The following RPGRIP1L variants were observed in gnomAD, a reference collection of about 807,000 sequenced individuals.
The protein encoded by RPGRIP1L is protein fantom.
In RPGRIP1L, 131 loss-of-function variants were observed where a neutral mutation model predicts 160.4. The ratio of observed to expected loss-of-function variants is 0.82; its 90% confidence interval spans 0.71 to 0.94. The LOEUF is 0.94. RPGRIP1L is among the 40% of genes least tolerant of loss of function. RPGRIP1L has a pLI of 0.00. For missense variants in RPGRIP1L, 1,522 were observed against 1,535.8 expected (o/e 0.99, Z 0.15); for synonymous variants, 510 against 515.8 (o/e 0.99, Z 0.15).
chr16:53,700,375 G>C (rs1220406150), intron 2 of RPGRIP1L, among the ~76,000 whole-genome samples: 2 of 152,170 alleles, frequency 1.3e-5, no homozygotes, highest in African/African-American at 4.8e-5. Flanking sequence ...AGTTTCTACT[G>C]ATGTGAGGAA....
chr16:53,636,478 G>T lies in RPGRIP1L; in HGVS notation c.3255C>A (p.Asp1085Glu), dbSNP rs1965840419. ...TGGAGATAGGACCTGGAATAATACAGTCATCACTGTCAGAAGCTGACATGT... is the reference window on the plus strand; with the variant it reads ...TGGAGATAGGACCTGGAATAATACATTCATCACTGTCAGAAGCTGACATGT... Reference protein sequence around the residue: ...EEDMSASDSDDCIIPGPISKN... With the variant: ...EEDMSASDSDECIIPGPISKN... Residue 1085 changes from aspartate (D) to glutamate (E), a missense_variant, in exon 22 of 27, where the codon GAC (aspartate) becomes GAA (glutamate). By Grantham distance (45) the Asp-to-Glu change is conservative. Coordinates refer to ENST00000647211, the MANE Select transcript of RPGRIP1L (RefSeq NM_015272.5). 6.2e-7 allele frequency: 1 copy of T among 1,612,306 alleles called. No homozygotes were observed. The highest frequency in any genetic ancestry group is 1.3e-5 in the African/African-American group (1 of 74,838).
At chr16:53,643,517 A>G (rs573560939) in intron 17 of RPGRIP1L, among the ~76,000 whole-genome samples, 2 of 152,238 alleles carry the variant, frequency 1.3e-5, no homozygotes, top group South Asian at 4.2e-4. Flanking sequence ...CTTTGATTTG[A>G]ATGCATCCTC....
intron 6 of RPGRIP1L, among the ~76,000 whole-genome samples, chr16:53,676,192 G>GT (rs1174173047): frequency 6.6e-6 from 1 of 152,070 alleles, no homozygotes; most frequent in East Asian, 1.9e-4. Flanking sequence ...AAAGTTCATT[G>GT]TATTTTGGCA....
intron 10 of RPGRIP1L, among the ~76,000 whole-genome samples, chr16:53,664,082 G>A (rs988599597): frequency 2.2e-4 from 34 of 152,216 alleles, no homozygotes; most frequent in African/African-American, 7.9e-4. Flanking sequence ...CACATGACTC[G>A]GTTTATCTAG....
rs1964790699 is a variant in RPGRIP1L at position 53,622,377 on chromosome 16, A to AG, written c.3295-22_3295-21insC. 3 of 619,464 alleles carry AG rather than the reference A, an allele frequency of 4.8e-6. No homozygotes were observed. In the East Asian group the frequency reaches 8.5e-5, roughly 18 times the overall value. The allele number at this position is 619,464 out of a possible 1,614,324, so 38.4% of individuals were successfully genotyped here. A position where few individuals can be genotyped will look rare whatever the true frequency, so the allele number is the denominator to read the frequency against. ...AGACTCTGTCTCAAAAAAAAAAAAA[A>AG]AATCTTAAGATTAAGAAGCACATTA... On this transcript the variant is annotated intron_variant, in intron 22 of 26. Coordinates refer to ENST00000647211, the MANE Select transcript of RPGRIP1L (RefSeq NM_015272.5).
intron 17 of RPGRIP1L, among the ~76,000 whole-genome samples, chr16:53,644,808 T>C (rs1041061522): frequency 6.6e-6 from 1 of 152,132 alleles, no homozygotes; most frequent in South Asian, 2.1e-4. Flanking sequence ...TCACTACCAG[T>C]AGACCTAACT....
At chr16:53,680,937 C>CA (rs1285224988) in intron 6 of RPGRIP1L, among the ~76,000 whole-genome samples, 1 of 152,094 alleles carries the variant, frequency 6.6e-6, no homozygotes, top group Non-Finnish European at 1.5e-5. Flanking sequence ...AGGCCGAGTG[C>CA]AAAAACAGGC....
Position 53,645,948 on chromosome 16 carries a change from C to T in RPGRIP1L, c.2360G>A (p.Gly787Asp), listed in dbSNP as rs996587890. ...TGTAATGTGAAGTTCATTTAAGTTG[C>T]CATCTGTGGAATCTGTAGAACTGAG... is the stretch of plus-strand genomic sequence containing the variant. ...AQLSSTDSTD[G>D]NLNELHITIR... The change falls in exon 17 of 27, where the codon GGC becomes GAC. Residue 787 changes from glycine (G) to aspartate (D), a missense_variant. Physicochemically the swap from Gly to Asp is moderately conservative, Grantham distance 94. Coordinates refer to ENST00000647211, the MANE Select transcript of RPGRIP1L (RefSeq NM_015272.5). 1.9e-6 allele frequency: 3 copies of T among 1,614,042 alleles called. No homozygotes were observed. The highest frequency in any genetic ancestry group is 1.1e-5 in the South Asian group (1 of 91,076).
intron 16 of RPGRIP1L, among the ~76,000 whole-genome samples, chr16:53,646,969 G>C (rs1966594393): frequency 6.6e-6 from 1 of 152,118 alleles, no homozygotes; most frequent in Non-Finnish European, 1.5e-5. Flanking sequence ...AGAAGGCTGA[G>C]AGGAATGACT....
In RPGRIP1L at chr16:53,637,728, C is replaced by A. The variant is rs1057520162; in HGVS notation, c.3187G>T (p.Glu1063Ter). ...TCCAAGTCCTCTGTTATTTCTGTTT[C>A]ATCTTCAGAAGATGCCAAGCTTTGT... ...AEQSLASSED[E>*]TEITEDLEPE... is the part of the protein sequence containing the mutation. The change falls in exon 21 of 27, where the codon GAA becomes TAA. Residue 1063 changes from glutamate (E) to a stop codon, truncating the protein, a stop_gained. Coordinates refer to ENST00000647211, the MANE Select transcript of RPGRIP1L (RefSeq NM_015272.5). LOFTEE classifies it high-confidence loss of function. 3.7e-6 allele frequency: 6 copies of A among 1,611,542 alleles called. No individual in the cohort carries two copies. Among genetic ancestry groups the A allele is most frequent in the African/African-American group, 1.3e-5 (1 of 75,024 alleles).
intron 2 of RPGRIP1L, among the ~76,000 whole-genome samples, chr16:53,698,705 C>T (rs1348393789): frequency 9.8e-5 from 14 of 142,614 alleles, no homozygotes; most frequent in African/African-American, 3.2e-4. Flanking sequence ...CCGCACCGCC[C>T]GGGAGGGAGG....
At chr16:53,625,448 C>T (rs1965054407) in intron 22 of RPGRIP1L, among the ~76,000 whole-genome samples, 1 of 144,564 alleles carries the variant, frequency 6.9e-6, no homozygotes. Context: ...GGGGTGCCTC[C>T]ACCCGGCAGC....
intron 6 of RPGRIP1L, among the ~76,000 whole-genome samples, chr16:53,675,572 C>A (rs1206093689): frequency 6.6e-6 from 1 of 152,136 alleles, no homozygotes; most frequent in Admixed American, 6.5e-5. Flanking sequence ...CTACAACTCT[C>A]TCGACGCAAA....
At chr16:53,612,454 C>T (rs1044244103) in intron 24 of RPGRIP1L, among the ~76,000 whole-genome samples, 11 of 150,100 alleles carry the variant, frequency 7.3e-5, no homozygotes, top group African/African-American at 2.7e-4. Flanking sequence ...GCTGCCAGTA[C>T]ACAACGCTAA....
At chr16:53,686,994 C>T (rs1052273740) in intron 5 of RPGRIP1L, among the ~76,000 whole-genome samples, 2 of 152,114 alleles carry the variant, frequency 1.3e-5, no homozygotes, top group African/African-American at 2.4e-5. Context: ...TTAGTGGTCT[C>T]TGGCATGCAT....
chr16:53,683,261 G>C (rs1045351437), intron 6 of RPGRIP1L, among the ~76,000 whole-genome samples: 5 of 151,862 alleles, frequency 3.3e-5, no homozygotes, highest in African/African-American at 1.2e-4. Flanking sequence ...AAACTTGTTG[G>C]AAAGGAGAAA....
At chr16:53,700,177 A>T (rs1971278051) in intron 2 of RPGRIP1L, among the ~76,000 whole-genome samples, 1 of 152,240 alleles carries the variant, frequency 6.6e-6, no homozygotes, top group South Asian at 2.1e-4. Context: ...ATAAAAGGAT[A>T]AAGAAAACCT....
At chr16:53,649,999 C>T (rs1966835754) in intron 15 of RPGRIP1L, among the ~76,000 whole-genome samples, 1 of 152,188 alleles carries the variant, frequency 6.6e-6, no homozygotes, top group Non-Finnish European at 1.5e-5. Context: ...ATTACCCCTA[C>T]TCTCTCCTAC....
At chr16:53,634,653 T>C (rs1378226188) in intron 22 of RPGRIP1L, among the ~76,000 whole-genome samples, 2 of 152,060 alleles carry the variant, frequency 1.3e-5, no homozygotes, top group Non-Finnish European at 2.9e-5. Flanking sequence ...CTCTCACCTC[T>C]CTCTCTCCTC....
Sources: gnomAD v4.1 joint callset for allele counts (sites outside exome capture counted in the v4.1 genomes callset) on GRCh38, gnomAD v4.1.1 for gene constraint, MANE v1.5 for transcripts, NCBI Gene and HGNC (gene_info 2026-07-23, HGNC 2026-07-21) for gene names.